The following FRMPD4 variants were observed in gnomAD, a reference collection of about 807,000 sequenced individuals.
FRMPD4 encodes FERM and PDZ domain containing 4, also known as FERM and PDZ domain-containing protein 4.
A neutral mutation model predicts 94.1 loss-of-function variants in FRMPD4; 22 were observed. The observed-to-expected ratio is 0.23, with a 90% CI of 0.17 to 0.33. FRMPD4 has a LOEUF of 0.33. Among genes scored for constraint, FRMPD4 ranks in the 10% least tolerant of loss-of-function variants. The pLI, the probability that FRMPD4 is intolerant of heterozygous loss-of-function variation, is 1.00. For missense variants in FRMPD4, 1,111 were observed against 1,339.9 expected (o/e 0.83, Z 2.67); for synonymous variants, 631 against 548.6 (o/e 1.15, Z -2.10).
intron 2 of FRMPD4, among the ~76,000 whole-genome samples, chrX:11,876,738 A>G (rs1298753001): frequency 8.9e-6 from 1 of 111,885 alleles, no homozygotes; most frequent in African/African-American, 3.3e-5. Flanking sequence ...TTTCACCAAA[A>G]CCCTTGACTG....
chrX:12,337,436 TGTGTAATATTTTAA>T (rs2055544967), intron 1 of FRMPD4, among the ~76,000 whole-genome samples: 1 of 112,336 alleles, frequency 8.9e-6, no homozygotes, highest in African/African-American at 3.2e-5. Flanking sequence ...AGGACTATAC[TGTGTAATATTTTAA>T]GTGTCTGGTT....
intron 1 of FRMPD4, among the ~76,000 whole-genome samples, chrX:11,824,154 T>C (rs749023896): frequency 1.8e-5 from 2 of 111,639 alleles, no homozygotes; most frequent in Non-Finnish European, 3.8e-5. Context: ...ACAATCTGAA[T>C]ATAAGGTGAC....
chrX:12,642,371 G>T (rs1175535568), intron 4 of FRMPD4, among the ~76,000 whole-genome samples: 1 of 112,098 alleles, frequency 8.9e-6, no homozygotes, highest in African/African-American at 3.2e-5. Context: ...AGACCCGGAC[G>T]ATGGGAAAAG....
chrX:11,831,093 AGAT>A (rs1316595588), intron 1 of FRMPD4, among the ~76,000 whole-genome samples: 2 of 110,447 alleles, frequency 1.8e-5, no homozygotes, highest in Non-Finnish European at 3.8e-5. Flanking sequence ...GACAACTACT[AGAT>A]GATCAAAAAC....
At chrX:12,657,354 T>C (rs2059668216) in intron 4 of FRMPD4, among the ~76,000 whole-genome samples, 1 of 111,702 alleles carries the variant, frequency 9.0e-6, no homozygotes, top group Non-Finnish European at 1.9e-5. Context: ...CTCAGTTTCT[T>C]AACAACTTTT....
At chrX:11,855,270 C>G (rs755611537) in intron 1 of FRMPD4, among the ~76,000 whole-genome samples, 1 of 111,140 alleles carries the variant, frequency 9.0e-6, no homozygotes. Context: ...AACCATTTTT[C>G]CCTCCTAGGC....
intron 1 of FRMPD4, among the ~76,000 whole-genome samples, chrX:11,824,048 A>G (rs2053426416): frequency 8.9e-6 from 1 of 111,978 alleles, no homozygotes; most frequent in Non-Finnish European, 1.9e-5. Flanking sequence ...AGGTTTAGGT[A>G]TGTCTTAAAA....
At chrX:11,903,756 G>A (rs2053951618) in intron 3 of FRMPD4, among the ~76,000 whole-genome samples, 1 of 111,541 alleles carries the variant, frequency 9.0e-6, no homozygotes, top group Non-Finnish European at 1.9e-5. Context: ...TCTATTGTTT[G>A]ATTTCTAATA....
At chrX:12,388,818 G>GATATATATATATATAT (rs3068660) in intron 1 of FRMPD4, among the ~76,000 whole-genome samples, 37 of 60,709 alleles carry the variant, frequency 6.1e-4, no homozygotes, top group Middle Eastern at 8.5e-3. Context: ...AAGAAAATGT[G>GATATATATATATATAT]ATATATATAT....
At chrX:12,481,770 T>C (rs1367401520) in intron 1 of FRMPD4, among the ~76,000 whole-genome samples, 2 of 104,465 alleles carry the variant, frequency 1.9e-5, no homozygotes, top group Admixed American at 1.0e-4. Context: ...TGAAACCCCG[T>C]CTCTACTAAA....
chrX:12,566,686 A>C (rs1279417733), intron 2 of FRMPD4, among the ~76,000 whole-genome samples: 1 of 111,975 alleles, frequency 8.9e-6, no homozygotes, highest in Non-Finnish European at 1.9e-5. Flanking sequence ...ATTTATCGAA[A>C]CTATTTATTT....
intron 1 of FRMPD4, among the ~76,000 whole-genome samples, chrX:12,167,915 G>T (rs1289031278): frequency 2.7e-5 from 3 of 111,459 alleles, no homozygotes; most frequent in Non-Finnish European, 5.7e-5. Flanking sequence ...TAAGTCGCTT[G>T]TTCTCAGTGA....
intron 1 of FRMPD4, among the ~76,000 whole-genome samples, chrX:12,227,972 C>T (rs373715721): frequency 9.0e-6 from 1 of 111,203 alleles, no homozygotes; most frequent in Admixed American, 9.5e-5. Flanking sequence ...AGTGGTGAGA[C>T]CCAACCCCAA....
At chrX:12,018,094 T>A (rs899471670) in intron 3 of FRMPD4, among the ~76,000 whole-genome samples, 3 of 110,698 alleles carry the variant, frequency 2.7e-5, no homozygotes, top group African/African-American at 9.9e-5. Context: ...TTTGCATTAG[T>A]TTTTTAGGGC....
chrX:12,534,233 G>A (rs1029778808), intron 2 of FRMPD4, among the ~76,000 whole-genome samples: 13 of 112,889 alleles, frequency 1.2e-4, no homozygotes, highest in Non-Finnish European at 2.2e-4. Flanking sequence ...GTCAAGAATC[G>A]GGGTTTGGGA....
At chrX:12,506,376 C>T (rs2057985596) in intron 2 of FRMPD4, among the ~76,000 whole-genome samples, 1 of 111,318 alleles carries the variant, frequency 9.0e-6, no homozygotes, top group African/African-American at 3.3e-5. Context: ...GCAACCTCCG[C>T]GTCCTGGGTT....
chrX:12,360,346 G>A (rs1206736582), intron 1 of FRMPD4, among the ~76,000 whole-genome samples: 1 of 111,870 alleles, frequency 8.9e-6, no homozygotes, highest in East Asian at 2.8e-4. Flanking sequence ...GGCCCACTTA[G>A]TGAGTTGAGC....
At chrX:12,551,607 G>C (rs1030321860) in intron 2 of FRMPD4, among the ~76,000 whole-genome samples, 2 of 110,913 alleles carry the variant, frequency 1.8e-5, no homozygotes, top group African/African-American at 6.5e-5. Flanking sequence ...AATCTATTTG[G>C]TTTGTTCTGT....
chrX:12,606,349 G>A (rs2059132376), intron 2 of FRMPD4, among the ~76,000 whole-genome samples: 1 of 111,550 alleles, frequency 9.0e-6, no homozygotes. Flanking sequence ...GCAAGAGAGT[G>A]GCTCTCAAAC....
Sources: gnomAD v4.1 joint callset for allele counts (sites outside exome capture counted in the v4.1 genomes callset) on GRCh38, gnomAD v4.1.1 for gene constraint, MANE v1.5 for transcripts, NCBI Gene and HGNC (gene_info 2026-07-23, HGNC 2026-07-21) for gene names.